Variants in PAK5 observed in about 807,000 individuals in gnomAD.
PAK5 encodes serine/threonine-protein kinase PAK 5.
In PAK5, 16 loss-of-function variants were observed where a neutral mutation model predicts 65.9. The ratio of observed to expected loss-of-function variants is 0.24; its 90% CI spans 0.16 to 0.37. PAK5 has a LOEUF of 0.37. Ranked by LOEUF, PAK5 falls within the 10% of genes least tolerant of loss-of-function variation. The pLI is 1.00. For missense variants in PAK5, 785 were observed against 903.9 expected, an observed-to-expected ratio of 0.87 and a Z score of 1.69; for synonymous variants, 371 against 354.9, an observed-to-expected ratio of 1.05 and a Z score of -0.51.
At chr20:9,822,308 A>G (rs1014487762) in intron 1 of PAK5, among the ~76,000 whole-genome samples, 1 of 142,816 alleles carries the variant, frequency 7.0e-6, no homozygotes, top group East Asian at 2.0e-4. Flanking sequence ...AAAAAAAAAA[A>G]GCAATTACAT....
chr20:9,736,899 CAGA>C (rs147786246), intron 1 of PAK5, among the ~76,000 whole-genome samples: 32 of 152,106 alleles, frequency 2.1e-4, no homozygotes, highest in African/African-American at 7.7e-4. Context: ...AAGAAAGTCT[CAGA>C]AGAAGCCAGT....
chr20:9,734,969 G>C (rs944061718), intron 1 of PAK5, among the ~76,000 whole-genome samples: 1 of 152,150 alleles, frequency 6.6e-6, no homozygotes, highest in African/African-American at 2.4e-5. Context: ...CTTGAGGAAA[G>C]TATACAGAAT....
intron 4 of PAK5, among the ~76,000 whole-genome samples, chr20:9,576,393 G>A (rs967681965): frequency 6.6e-6 from 1 of 152,168 alleles, no homozygotes; most frequent in Admixed American, 6.5e-5. Flanking sequence ...ACATTTGGCA[G>A]TGTCTGGGTA....
chr20:9,766,474 TGTATATATATATTCAAGCAGA>T, intron 1 of PAK5, among the ~76,000 whole-genome samples: 1 of 60,920 alleles, frequency 1.6e-5, no homozygotes, highest in African/African-American at 1.1e-4. Context: ...AGAATATATA[TGTATATATATATTCAAGCAGA>T]ATATATATAT....
rs138396192 is a variant in PAK5, at chr20:9,684,216, C to T, written c.-12+27070G>A. On this transcript the variant is annotated intron_variant, in intron 2 of 9. Transcript: ENST00000353224. ...TGTAGTTGTTAGGAGAACACTGACT[C>T]TCTGGAAATAAACTGTTTGGGCTCA... 4.6e-3 allele frequency among the ~76,000 whole-genome samples: 707 copies of T among 152,310 alleles called. 6 individuals carry two copies. The highest frequency in any genetic ancestry group is 0.016 in the African/African-American group (666 of 41,572).
At chr20:9,746,662 T>C (rs1461433094) in intron 1 of PAK5, among the ~76,000 whole-genome samples, 1 of 152,134 alleles carries the variant, frequency 6.6e-6, no homozygotes, top group African/African-American at 2.4e-5. Context: ...CAAATCTCAT[T>C]AATGTGAATG....
intron 1 of PAK5, among the ~76,000 whole-genome samples, chr20:9,803,344 G>C (rs1600391910): frequency 6.6e-6 from 1 of 152,102 alleles, no homozygotes; most frequent in Non-Finnish European, 1.5e-5. Flanking sequence ...AAGCATGGAA[G>C]GATAAGCAAG....
chr20:9,728,546 T>C (rs1184947285), intron 1 of PAK5, among the ~76,000 whole-genome samples: 1 of 152,090 alleles, frequency 6.6e-6, no homozygotes, highest in Non-Finnish European at 1.5e-5. Context: ...AATAGCTGAA[T>C]AGTACACTTC....
At chr20:9,594,096 G>T (rs942033025) in intron 3 of PAK5, among the ~76,000 whole-genome samples, 5 of 152,128 alleles carry the variant, frequency 3.3e-5, no homozygotes, top group Admixed American at 6.5e-5. Flanking sequence ...TCGTTCTAGG[G>T]TTCAGTAATT....
At chr20:9,605,233 C>T (rs1177659706) in intron 3 of PAK5, among the ~76,000 whole-genome samples, 3 of 152,174 alleles carry the variant, frequency 2.0e-5, no homozygotes, top group African/African-American at 4.8e-5. Flanking sequence ...CCTTTGGGGG[C>T]ATTCATTGCC....
intron 1 of PAK5, among the ~76,000 whole-genome samples, chr20:9,714,471 C>G (rs1340885515): frequency 6.6e-6 from 1 of 152,074 alleles, no homozygotes; most frequent in African/African-American, 2.4e-5. Context: ...CTTTACATGG[C>G]TATTTTCCAG....
intron 2 of PAK5, among the ~76,000 whole-genome samples, chr20:9,704,072 T>A (rs2047974789): frequency 6.6e-6 from 1 of 152,128 alleles, no homozygotes; most frequent in Non-Finnish European, 1.5e-5. Context: ...CTCAAGCTCA[T>A]CCATCCAAAT....
intron 1 of PAK5, among the ~76,000 whole-genome samples, chr20:9,759,287 T>C (rs1182870677): frequency 6.6e-6 from 1 of 152,192 alleles, no homozygotes; most frequent in Non-Finnish European, 1.5e-5. Context: ...AAAATTACTT[T>C]GTAGCATATT....
intron 2 of PAK5, among the ~76,000 whole-genome samples, chr20:9,680,957 T>C (rs1263139800): frequency 2.0e-5 from 3 of 152,252 alleles, no homozygotes; most frequent in African/African-American, 7.2e-5. Context: ...CAAACTATTT[T>C]GTCAAATCTT....
At chr20:9,771,569 A>G (rs796804211) in intron 1 of PAK5, among the ~76,000 whole-genome samples, 33 of 107,582 alleles carry the variant, frequency 3.1e-4, no homozygotes, top group African/African-American at 9.8e-4. Context: ...CACCACATTC[A>G]GTCAATTTTT....
intron 1 of PAK5, among the ~76,000 whole-genome samples, chr20:9,822,720 C>G (rs1474022979): frequency 6.6e-6 from 1 of 152,208 alleles, no homozygotes; most frequent in Non-Finnish European, 1.5e-5. Flanking sequence ...TTATTAGTAT[C>G]CACCCATATG....
chr20:9,546,323 A>G (rs1451756117), intron 7 of PAK5, among the ~76,000 whole-genome samples: 1 of 152,214 alleles, frequency 6.6e-6, no homozygotes, highest in Non-Finnish European at 1.5e-5. Context: ...AATTACTGAC[A>G]GCAGTACACC....
chr20:9,565,555 A>G (rs1283597585), intron 5 of PAK5, among the ~76,000 whole-genome samples: 1 of 152,196 alleles, frequency 6.6e-6, no homozygotes, highest in Non-Finnish European at 1.5e-5. Flanking sequence ...TCCTAGCTCT[A>G]CAGTCAACCT....
chr20:9,666,510 A>G (rs2047421649), intron 2 of PAK5, among the ~76,000 whole-genome samples: 1 of 152,114 alleles, frequency 6.6e-6, no homozygotes, highest in African/African-American at 2.4e-5. Context: ...AGGAAATACT[A>G]CCGTGGAGAC....
Sources: allele counts gnomAD v4.1 joint callset (sites outside exome capture counted in the v4.1 genomes callset), GRCh38; gene constraint gnomAD v4.1.1; transcripts MANE v1.5; gene names NCBI Gene and HGNC (gene_info 2026-07-23, HGNC 2026-07-21).